Variants in GTF3C1 observed in about 807,000 individuals in gnomAD.
GTF3C1 encodes general transcription factor 3C polypeptide 1.
Under a neutral mutation model 226.7 loss-of-function variants are expected in GTF3C1, and 57 were observed. The ratio of observed to expected loss-of-function variants is 0.25; its 90% CI spans 0.20 to 0.31. The LOEUF is 0.31. GTF3C1 is among the 10% of genes least tolerant of loss of function. The pLI, the probability that GTF3C1 is intolerant of heterozygous loss-of-function variation, is 1.00. For synonymous variants in GTF3C1, 1,090 were observed against 1,084.8 expected (o/e 1.00, Z -0.09); for missense variants, 2,217 against 2,776.1 (o/e 0.80, Z 4.53).
At chr16:27,503,527 G>C (rs1356557799) in intron 10 of GTF3C1, among the ~76,000 whole-genome samples, 1 of 152,236 alleles carries the variant, frequency 6.6e-6, no homozygotes, top group African/African-American at 2.4e-5. Context: ...AACCAGGGAA[G>C]TCTCTGGGCA....
At chr16:27,464,062 G>T (rs1159573283) in intron 34 of GTF3C1, 3 of 437,826 alleles carry the variant, frequency 6.9e-6, no homozygotes, top group Middle Eastern at 1.2e-3. Context: ...CAGTGCACAC[G>T]CTGGCCCCAC....
chr16:27,546,669 C>T (rs183891708), intron 1 of GTF3C1, among the ~76,000 whole-genome samples: 59 of 152,180 alleles, frequency 3.9e-4, no homozygotes, highest in Admixed American at 2.0e-3. Context: ...TGAAATCTCA[C>T]TCATATCCTA....
In GTF3C1 at chr16:27,470,392, A is replaced by T; in HGVS notation, c.4530T>A (p.Ile1510=). ...TGGTGCTTGGAAATCGCCACGTAAA[A>T]ATCCTACAGACAAAAAGAAAGGAAG... ...SYQLSQTYYR[I]FTWRFPSTIC... The change falls in exon 31 of 37, where the codon ATT becomes ATA. Residue 1510 remains isoleucine (I), a synonymous_variant. Transcript: ENST00000356183. This position sits in a 1 kb window ranked among gnomAD's most constrained non-coding sequence, Gnocchi z 4.9. 1 of 1,612,404 alleles carries T rather than the reference A, an allele frequency of 6.2e-7. No individual in the cohort carries two copies. The highest frequency in any genetic ancestry group is 8.5e-7 in the Non-Finnish European group (1 of 1,179,048).
rs973982562 is a variant in GTF3C1 at position 27,494,122 on chromosome 16, T to C, written c.2778+641A>G. On this transcript the variant is annotated intron_variant, in intron 16 of 36. Coordinates refer to ENST00000356183, the MANE Select transcript of GTF3C1 (RefSeq NM_001520.4). ...AATTTCTAAAAACAACATGTTTTGG[T>C]CGGGTGCAATGGCTCACGCCTGTAA... is the stretch of plus-strand genomic sequence containing the variant. Among the ~76,000 whole-genome samples, 5 of 152,126 alleles carry C rather than the reference T, an allele frequency of 3.3e-5. No individual in the cohort carries two copies. The East Asian group carries it at 7.7e-4, about 23-fold the overall frequency.
At position 27,463,714 on chromosome 16, in the gene GTF3C1, CAA is replaced by C; in HGVS notation, c.5873-124_5873-123del. 2 of 709,736 alleles carry C rather than the reference CAA, an allele frequency of 2.8e-6. No individual in the cohort carries two copies. The allele number at this position is 709,736 out of a possible 1,614,324, so 44.0% of individuals were successfully genotyped here. On this transcript the variant is annotated intron_variant, in intron 34 of 36. Coordinates refer to ENST00000356183, the MANE Select transcript of GTF3C1 (RefSeq NM_001520.4). The surrounding 1 kb of genome is among the most constrained non-coding windows in gnomAD (Gnocchi z 4.9). Reference sequence around the variant, plus strand: ...CCTCGAGGCTCAGGGGATGAAGTGTCAAAAAAAAAGGACAATGAGCATCTCAC... The same window carrying C: ...CCTCGAGGCTCAGGGGATGAAGTGTCAAAAAAAGGACAATGAGCATCTCAC...
intron 6 of GTF3C1, among the ~76,000 whole-genome samples, chr16:27,525,512 A>G (rs951136481): frequency 1.3e-5 from 2 of 152,226 alleles, no homozygotes; most frequent in African/African-American, 4.8e-5. Context: ...TCTGTGTGAT[A>G]CCATCTCCTC....
intron 5 of GTF3C1, among the ~76,000 whole-genome samples, chr16:27,530,275 C>G (rs545420716): frequency 1.3e-5 from 2 of 152,326 alleles, no homozygotes; most frequent in East Asian, 3.9e-4. Flanking sequence ...TTCAAAGCCA[C>G]TGGCTTGTAC....
At chr16:27,521,451 C>G (rs1418648124) in intron 6 of GTF3C1, among the ~76,000 whole-genome samples, 1 of 152,208 alleles carries the variant, frequency 6.6e-6, no homozygotes, top group Non-Finnish European at 1.5e-5. Context: ...CTGAGAAACA[C>G]AACACATTTC....
intron 7 of GTF3C1, among the ~76,000 whole-genome samples, chr16:27,510,152 G>A (rs1288320211): frequency 3.9e-5 from 6 of 152,312 alleles, no homozygotes; most frequent in African/African-American, 7.2e-5. Context: ...TTAGGAGGCC[G>A]AGGCAGGTGG....
intron 6 of GTF3C1, among the ~76,000 whole-genome samples, chr16:27,513,441 G>A (rs1201264535): frequency 6.6e-6 from 1 of 152,180 alleles, no homozygotes; most frequent in Non-Finnish European, 1.5e-5. Context: ...GTGACAGAGT[G>A]AGACCCTGTC....
intron 14 of GTF3C1, among the ~76,000 whole-genome samples, chr16:27,496,227 C>T (rs1200573260): frequency 1.3e-5 from 2 of 152,192 alleles, no homozygotes; most frequent in African/African-American, 4.8e-5. Context: ...AATGCTGGCA[C>T]CATGCTTCCT....
At chr16:27,517,936 G>A (rs1470521812) in intron 6 of GTF3C1, among the ~76,000 whole-genome samples, 1 of 152,160 alleles carries the variant, frequency 6.6e-6, no homozygotes, top group African/African-American at 2.4e-5. Context: ...CATAGTAAAG[G>A]AAAAACCAGA....
chr16:27,502,655 TGAG>T (rs533584070), intron 11 of GTF3C1, among the ~76,000 whole-genome samples: 1 of 152,094 alleles, frequency 6.6e-6, no homozygotes. Context: ...CTGCTCCTTT[TGAG>T]GAGGAGATAC....
intron 5 of GTF3C1, among the ~76,000 whole-genome samples, chr16:27,528,941 G>A (rs1363640014): frequency 2.0e-5 from 3 of 152,164 alleles, no homozygotes; most frequent in Non-Finnish European, 4.4e-5. Context: ...AAAGAGATTC[G>A]CTTCGCCAGA....
In GTF3C1 at chr16:27,523,630, C is replaced by A. The variant is rs1011865535; in HGVS notation, c.973+4968G>T. 3.9e-5 allele frequency among the ~76,000 whole-genome samples: 6 copies of A among 152,246 alleles called. No homozygotes were observed. The South Asian group carries it at 8.3e-4, about 21-fold the overall frequency. On this transcript the variant is annotated intron_variant, in intron 6 of 36. Transcript: ENST00000356183. ...TTAAATTAAATTTGCTCAGCATCTG[C>A]TTAGCACCTACTCTGTTCCAAGCAG...
At chr16:27,520,983 T>C (rs978717499) in intron 6 of GTF3C1, among the ~76,000 whole-genome samples, 8 of 152,206 alleles carry the variant, frequency 5.3e-5, no homozygotes, top group Non-Finnish European at 8.8e-5. Context: ...CCTGCCAAAG[T>C]GTTGGGATTA....
chr16:27,493,190 TG>T lies in GTF3C1; in HGVS notation c.2876+8del. On this transcript the variant is annotated splice_region_variant and intron_variant, in intron 17 of 36. Transcript: ENST00000356183. ...TGCGACTACTCTGGGTCAGGTTCAA[TG>T]GCCTCACCTCTTGTACAGAAGCTGC... is the stretch of plus-strand genomic sequence containing the variant. 2 of 1,522,700 alleles carry T rather than the reference TG, an allele frequency of 1.3e-6. No homozygotes were observed. Among genetic ancestry groups the T allele is most frequent in the Non-Finnish European group, 1.8e-6 (2 of 1,096,478 alleles). 94.3% of individuals were successfully genotyped at this position (1,522,700 alleles called of 1,614,324 possible).
chr16:27,526,879 G>A (rs1046102655), intron 6 of GTF3C1, among the ~76,000 whole-genome samples: 1 of 152,234 alleles, frequency 6.6e-6, no homozygotes, highest in African/African-American at 2.4e-5. Flanking sequence ...TGGTTAATCA[G>A]GAGGAGTAAA....
Position 27,501,148 on chromosome 16 carries a change from C to A in GTF3C1, c.2061+43G>T. On this transcript the variant is annotated intron_variant, in intron 12 of 36. Transcript: ENST00000356183. ...AGAGAAGCTAGACAAAAACTTCCAACAGCACGAGGCTGGCTCTGGGCATCG... is the reference window on the plus strand; with the variant it reads ...AGAGAAGCTAGACAAAAACTTCCAAAAGCACGAGGCTGGCTCTGGGCATCG... 3.9e-6 allele frequency: 6 copies of A among 1,558,258 alleles called. No individual in the cohort carries two copies. In the South Asian group the frequency reaches 6.8e-5, roughly 18 times the overall value.
Sources: allele counts gnomAD v4.1 joint callset (sites outside exome capture counted in the v4.1 genomes callset), GRCh38; gene constraint gnomAD v4.1.1; non-coding constraint Gnocchi (gnomAD v3.1); transcripts MANE v1.5; gene names NCBI Gene and HGNC (gene_info 2026-07-23, HGNC 2026-07-21).